The following ADGRD1 variants were observed in gnomAD, a reference collection of about 807,000 sequenced individuals.
ADGRD1 encodes adhesion G protein-coupled receptor D1.
In ADGRD1, 77 loss-of-function variants were observed where a neutral mutation model predicts 113.4. The ratio of observed to expected loss-of-function variants is 0.68; its 90% confidence interval spans 0.57 to 0.82. The LOEUF (loss-of-function observed/expected upper bound fraction) is 0.82. ADGRD1 is among the 40% of genes least tolerant of loss of function. The probability of loss-of-function intolerance (pLI) is 0.00; values close to 1 mark genes in which losing one functional copy is unlikely to be tolerated. For synonymous variants in ADGRD1, 474 were observed against 475.0 expected, an observed-to-expected ratio of 1.00 and a Z score of 0.03; for missense variants, 1,036 against 1,139.1, an observed-to-expected ratio of 0.91 and a Z score of 1.30.
intron 20 of ADGRD1, among the ~76,000 whole-genome samples, chr12:131,122,653 A>G (rs1387370481): frequency 1.3e-5 from 2 of 152,194 alleles, no homozygotes; most frequent in African/African-American, 4.8e-5. Flanking sequence ...GGGAAGGGTA[A>G]GTTGTATTCA....
intron 15 of ADGRD1, among the ~76,000 whole-genome samples, chr12:131,104,345 T>C (rs904313815): frequency 1.3e-5 from 2 of 152,186 alleles, no homozygotes; most frequent in African/African-American, 4.8e-5. Flanking sequence ...CAGCACTTTA[T>C]GTTTGTAAAT....
At chr12:131,038,106 C>T (rs1053566105) in intron 13 of ADGRD1, among the ~76,000 whole-genome samples, 8 of 152,366 alleles carry the variant, frequency 5.3e-5, no homozygotes, top group African/African-American at 1.7e-4. Flanking sequence ...TTACTCACTA[C>T]ACTGGGTCTC....
At chr12:131,004,524 C>T (rs1356464040) in intron 11 of ADGRD1, among the ~76,000 whole-genome samples, 1 of 152,042 alleles carries the variant, frequency 6.6e-6, no homozygotes, top group African/African-American at 2.4e-5. Flanking sequence ...TGAGAGGTTC[C>T]TTAGTGATGC....
At position 131,115,636 on chromosome 12, in the gene ADGRD1, A is replaced by G. The variant is rs528235623; in HGVS notation, c.2042-2749A>G. ...CACCGGTCTGGTCCCTCTGAAGGTC[A>G]CCGTGTTGCAAAGAGGAGCACCCAA... On this transcript the variant is annotated intron_variant, in intron 18 of 24. Transcript: ENST00000261654. Among the ~76,000 whole-genome samples the G allele has an allele frequency of 4.6e-5, 7 of 152,272 alleles. No individual in the cohort carries two copies. The South Asian group carries it at 1.5e-3, about 32-fold the overall frequency.
chr12:130,958,837 A>C (rs1201357252), intron 2 of ADGRD1, among the ~76,000 whole-genome samples: 1 of 147,204 alleles, frequency 6.8e-6, no homozygotes, highest in African/African-American at 2.5e-5. Context: ...GTTTGTCTGC[A>C]CGTTGGGCCT....
At chr12:131,087,620 T>C (rs1264749697) in intron 15 of ADGRD1, among the ~76,000 whole-genome samples, 1 of 152,188 alleles carries the variant, frequency 6.6e-6, no homozygotes, top group Non-Finnish European at 1.5e-5. Flanking sequence ...TGGTAAATAT[T>C]GTGCAGGCAG....
intron 20 of ADGRD1, among the ~76,000 whole-genome samples, chr12:131,124,828 G>A (rs11608728): frequency 0.18 from 28,009 of 152,210 alleles, 2,861 homozygotes; most frequent in Middle Eastern, 0.24. Flanking sequence ...GGTGATTCTA[G>A]TTACACAAAA....
At chr12:131,133,051 C>T (rs11061341) in intron 21 of ADGRD1, among the ~76,000 whole-genome samples, 11,744 of 152,206 alleles carry the variant, frequency 0.077, 484 homozygotes, top group Middle Eastern at 0.11. Context: ...GGTTGTGCCC[C>T]GTGCGAGAAG....
At chr12:131,097,561 C>T (rs565677467) in intron 15 of ADGRD1, among the ~76,000 whole-genome samples, 9 of 152,334 alleles carry the variant, frequency 5.9e-5, no homozygotes, top group Admixed American at 1.3e-4. Flanking sequence ...CGGCTGCCTA[C>T]GGCCAGGGAT....
At chr12:131,078,260 C>A (rs553799565) in intron 14 of ADGRD1, among the ~76,000 whole-genome samples, 11 of 152,234 alleles carry the variant, frequency 7.2e-5, no homozygotes, top group Non-Finnish European at 1.6e-4. Context: ...CTGTGAACAG[C>A]GAGGAAAGTG....
chr12:131,139,950 G>C lies in ADGRD1; in HGVS notation c.*687G>C, dbSNP rs3741461. On this transcript the variant is annotated 3_prime_UTR_variant, in exon 25 of 25. Transcript: ENST00000261654. ...GGGCGACCCCTCTGCCCTGTCCTTG[G>C]GGGGGTCCCCTCTGCTCACGTGAAG... 0.4 allele frequency: 61,269 copies of C among 152,160 alleles called. 13,229 individuals are homozygous for C. Among genetic ancestry groups the C allele is most frequent in the Non-Finnish European group, 0.49 (33,093 of 67,958 alleles). 9.4% of individuals were successfully genotyped at this position (152,160 alleles called of 1,614,324 possible).
chr12:131,115,313 C>G (rs1203515147), intron 18 of ADGRD1, among the ~76,000 whole-genome samples: 2 of 152,164 alleles, frequency 1.3e-5, no homozygotes, highest in African/African-American at 4.8e-5. Context: ...GTGCTCAGCC[C>G]ATAAGACACA....
intron 24 of ADGRD1, 89 bp from the exon 25 acceptor site, chr12:131,139,079 T>A: frequency 1.1e-6 from 1 of 944,226 alleles, no homozygotes; most frequent in Non-Finnish European, 1.7e-6. Flanking sequence ...CTCGGGCAGC[T>A]ATGGGCCCAA....
chr12:130,982,536 C>T (rs1335534496), intron 5 of ADGRD1, among the ~76,000 whole-genome samples: 3 of 152,218 alleles, frequency 2.0e-5, no homozygotes, highest in Admixed American at 2.0e-4. Flanking sequence ...CTTCCTCCCC[C>T]TCCTCTTCTT....
intron 15 of ADGRD1, among the ~76,000 whole-genome samples, chr12:131,097,604 A>G (rs551366446): frequency 6.6e-6 from 1 of 152,260 alleles, no homozygotes; most frequent in Non-Finnish European, 1.5e-5. Context: ...GGAGTCACAG[A>G]TCCGCCAGGG....
At chr12:131,120,456 T>C (rs927262327) in intron 19 of ADGRD1, among the ~76,000 whole-genome samples, 4 of 152,102 alleles carry the variant, frequency 2.6e-5, no homozygotes, top group Admixed American at 2.6e-4. Context: ...TTTGGGCATA[T>C]GGGAATGGTC....
intron 23 of ADGRD1, 188 bp from the exon 24 acceptor site, chr12:131,137,949 A>G: frequency 1.7e-6 from 1 of 594,026 alleles, no homozygotes; most frequent in Non-Finnish European, 3.0e-6. Context: ...GGCCTGCGAT[A>G]CAACCTGGCT....
At position 131,126,426 on chromosome 12, in the gene ADGRD1, T is replaced by C. The variant is rs550531241; in HGVS notation, c.2176-5299T>C. On this transcript the variant is annotated intron_variant, in intron 20 of 24. Coordinates refer to ENST00000261654, the MANE Select transcript of ADGRD1 (RefSeq NM_198827.5). ...TCTCTGTTCTTTATAAATTACCCAG[T>C]CTGTGGTATTCTGTTATAGTAGCAG... Among the ~76,000 whole-genome samples the C allele has an allele frequency of 2.6e-5, 4 of 152,358 alleles. No individual in the cohort carries two copies. In the South Asian group the frequency reaches 8.3e-4, roughly 32 times the overall value.
chr12:131,074,375 C>T (rs1279050470), intron 13 of ADGRD1, among the ~76,000 whole-genome samples: 2 of 152,234 alleles, frequency 1.3e-5, no homozygotes, highest in Non-Finnish European at 2.9e-5. Flanking sequence ...CAGCCCCTGG[C>T]TTGAGGTTTC....
Sources: allele counts gnomAD v4.1 joint callset (sites outside exome capture counted in the v4.1 genomes callset), GRCh38; gene constraint gnomAD v4.1.1; transcripts MANE v1.5; gene names NCBI Gene and HGNC (gene_info 2026-07-23, HGNC 2026-07-21).